Variants in DMD observed in about 807,000 individuals in gnomAD.
DMD encodes mutant dystrophin.
Under a neutral mutation model 330.1 loss-of-function variants are expected in DMD, and 63 were observed. The ratio of observed to expected loss-of-function variants is 0.19; its 90% CI spans 0.16 to 0.24. The LOEUF is 0.24. DMD is among the 10% of genes least tolerant of loss of function. DMD has a pLI of 1.00. For missense variants in DMD, 3,344 were observed against 2,684.1 expected (o/e 1.25, Z -5.43); for synonymous variants, 1,223 against 959.8 (o/e 1.27, Z -5.07).
intron 2 of DMD, among the ~76,000 whole-genome samples, chrX:32,966,602 G>T (rs745784450): frequency 3.9e-4 from 44 of 111,944 alleles, no homozygotes; most frequent in African/African-American, 1.4e-3. Flanking sequence ...CTTCATGGAT[G>T]TAAGTTGAGT....
Position 32,562,815 on chromosome X carries a change from T to A in DMD, c.1992+2887A>T, listed in dbSNP as rs7057273. On this transcript the variant is annotated intron_variant, in intron 16 of 78. Coordinates refer to ENST00000357033, the MANE Select transcript of DMD (RefSeq NM_004006.3). ...TCTGTTTACCTCCTTTTAATTTCTC[T>A]TTTCCTGAGTAGCTCCATTTCTACC... Among the ~76,000 whole-genome samples the A allele has an allele frequency of 2.7e-5, 3 of 110,621 alleles. No individual in the cohort carries two copies. The East Asian group carries it at 8.6e-4, about 32-fold the overall frequency.
chrX:33,140,614 C>T (rs949981509), intron 1 of DMD, among the ~76,000 whole-genome samples: 15 of 112,119 alleles, frequency 1.3e-4, no homozygotes, highest in African/African-American at 4.9e-4. Flanking sequence ...TTAGCTTTAG[C>T]ACTCTATGAC....
intron 1 of DMD, among the ~76,000 whole-genome samples, chrX:33,169,065 T>C (rs2049203821): frequency 1.0e-5 from 1 of 99,756 alleles, no homozygotes; most frequent in African/African-American, 3.8e-5. Flanking sequence ...CTCATCAGAT[T>C]TACCTTCAAC....
chrX:32,484,735 G>A (rs748825285), intron 21 of DMD, among the ~76,000 whole-genome samples, 184 bp downstream of exon 21: 2 of 111,871 alleles, frequency 1.8e-5, no homozygotes, highest in Non-Finnish European at 3.8e-5. Context: ...AAATTATTAT[G>A]AGGACAAAAA....
In DMD at chrX:32,692,133, G is replaced by A. The variant is rs781472286; in HGVS notation, c.960+5737C>T. On this transcript the variant is annotated intron_variant, in intron 9 of 78. Coordinates refer to ENST00000357033, the MANE Select transcript of DMD (RefSeq NM_004006.3). ...TATTTTACACTTAAAAATCAGTTAA[G>A]AGGGTGAATCCCATGTTAAGTGTTC... is the stretch of plus-strand genomic sequence containing the variant. Among the ~76,000 whole-genome samples the A allele has an allele frequency of 2.7e-5, 3 of 112,164 alleles. No individual in the cohort carries two copies. The East Asian group carries it at 8.5e-4, about 32-fold the overall frequency.
At chrX:31,473,720 A>AAAAAAAAG (rs1556654302) in intron 59 of DMD, among the ~76,000 whole-genome samples, 1 of 104,381 alleles carries the variant, frequency 9.6e-6, no homozygotes, top group Admixed American at 1.0e-4. Flanking sequence ...TCAAAAAAAA[A>AAAAAAAAG]AAAAAAAAGA....
chrX:32,525,105 A>G (rs1176474390), intron 17 of DMD, among the ~76,000 whole-genome samples: 1 of 111,727 alleles, frequency 9.0e-6, no homozygotes, highest in African/African-American at 3.3e-5. Context: ...ACAGGTGGAC[A>G]CTGAACCCAA....
At chrX:32,712,213 T>C (rs1438143367) in intron 7 of DMD, among the ~76,000 whole-genome samples, 1 of 111,326 alleles carries the variant, frequency 9.0e-6, no homozygotes, top group East Asian at 2.8e-4. Flanking sequence ...GCAGCTGAAA[T>C]AGTGAGCAAA....
chrX:32,001,594 T>G (rs376829959), intron 44 of DMD, among the ~76,000 whole-genome samples: 30 of 111,001 alleles, frequency 2.7e-4, no homozygotes, highest in African/African-American at 9.5e-4. Context: ...CTGTTCCTCC[T>G]GGCACAACAA....
intron 7 of DMD, among the ~76,000 whole-genome samples, chrX:32,787,681 C>G (rs1419733014): frequency 9.1e-6 from 1 of 110,446 alleles, no homozygotes; most frequent in African/African-American, 3.3e-5. Context: ...AATGTGGACT[C>G]TCACCTCTCC....
chrX:32,507,834 G>A (rs1488954788), intron 18 of DMD, among the ~76,000 whole-genome samples: 1 of 111,297 alleles, frequency 9.0e-6, no homozygotes, highest in Non-Finnish European at 1.9e-5. Context: ...TTATACAAGA[G>A]AAAACTGAGC....
At chrX:32,730,874 A>T (rs891126466) in intron 7 of DMD, among the ~76,000 whole-genome samples, 4 of 111,940 alleles carry the variant, frequency 3.6e-5, no homozygotes, top group African/African-American at 1.3e-4. Context: ...AAAACTTGAA[A>T]TATTGGATCA....
In DMD at chrX:32,823,375, T is replaced by C. The variant is rs398123907; in HGVS notation, c.277A>G (p.Asn93Asp). The change falls in exon 5 of 79, where the codon AAT becomes GAT. Residue 93 changes from asparagine to aspartate, a missense_variant. Coordinates refer to ENST00000357033, the MANE Select transcript of DMD (RefSeq NM_004006.3). Reference sequence around the variant, plus strand: ...TCTACGATGTCAGTACTTCCAATATTCACTAAATCAACCTGTTAAAGAAAG... The same window carrying C: ...TCTACGATGTCAGTACTTCCAATATCCACTAAATCAACCTGTTAAAGAAAG... ...VLQNNNVDLVNIGSTDIVDGN... is the reference protein window; with the variant it reads ...VLQNNNVDLVDIGSTDIVDGN... The C allele has an allele frequency of 1.7e-6, 2 of 1,201,596 alleles. No individual in the cohort carries two copies. Among genetic ancestry groups the C allele is most frequent in the Non-Finnish European group, 2.3e-6 (2 of 886,764 alleles).
chrX:31,823,477 C>G (rs2092820124), intron 49 of DMD, among the ~76,000 whole-genome samples: 1 of 111,317 alleles, frequency 9.0e-6, no homozygotes, highest in South Asian at 3.8e-4. Flanking sequence ...GTTTCTTTTC[C>G]CCCAACTTGA....
At chrX:32,383,238 C>G (rs1186310102) in intron 33 of DMD, among the ~76,000 whole-genome samples, 1 of 110,611 alleles carries the variant, frequency 9.0e-6, no homozygotes, top group Non-Finnish European at 1.9e-5. Flanking sequence ...ATCTTGCACT[C>G]CCAGACTCCA....
intron 7 of DMD, among the ~76,000 whole-genome samples, chrX:32,743,231 A>G (rs1478481644): frequency 9.0e-6 from 1 of 111,414 alleles, no homozygotes; most frequent in Non-Finnish European, 1.9e-5. Context: ...TTCAAAGGAT[A>G]AGTCTGAGGT....
intron 60 of DMD, among the ~76,000 whole-genome samples, chrX:31,380,142 TGTAG>T (rs1171563633): frequency 9.0e-6 from 1 of 110,901 alleles, no homozygotes; most frequent in African/African-American, 3.3e-5. Flanking sequence ...CCATAACTGT[TGTAG>T]GTATTGACGG....
intron 52 of DMD, among the ~76,000 whole-genome samples, chrX:31,715,132 C>T (rs950577886): frequency 2.7e-5 from 3 of 109,378 alleles, no homozygotes; most frequent in Non-Finnish European, 3.8e-5. Context: ...TTCTCTGTAC[C>T]CTCTCAAAAA....
intron 16 of DMD, among the ~76,000 whole-genome samples, chrX:32,547,168 A>C (rs1229709473): frequency 9.0e-6 from 1 of 111,558 alleles, no homozygotes; most frequent in Non-Finnish European, 1.9e-5. Flanking sequence ...AAACATACAG[A>C]CCAGAATGCA....
Sources: allele counts gnomAD v4.1 joint callset (sites outside exome capture counted in the v4.1 genomes callset), GRCh38; gene constraint gnomAD v4.1.1; transcripts MANE v1.5; gene names NCBI Gene and HGNC (gene_info 2026-07-23, HGNC 2026-07-21).